Variants in PCDHGB1 observed in about 807,000 individuals in gnomAD.
PCDHGB1 encodes protocadherin gamma-B1.
A neutral mutation model predicts 56.6 loss-of-function variants in PCDHGB1; 34 were observed. The ratio of observed to expected loss-of-function variants is 0.60; its 90% CI spans 0.46 to 0.80. The LOEUF (loss-of-function observed/expected upper bound fraction) is 0.80, where lower values mean the gene tolerates loss of function less well. Ranked by LOEUF, PCDHGB1 falls within the 30% of genes least tolerant of loss-of-function variation. The pLI, the probability that PCDHGB1 is intolerant of heterozygous loss-of-function variation, is 0.00. For missense variants in PCDHGB1, 1,278 were observed against 1,204.6 expected (o/e 1.06, Z -0.90); for synonymous variants, 561 against 505.9 (o/e 1.11, Z -1.46).
rs9324852 is a variant in PCDHGB1, at chr5:141,510,333, C to T, written c.2558-614C>T. On this transcript the variant is annotated intron_variant, in intron 3 of 3. Coordinates refer to ENST00000523390, the MANE Select transcript of PCDHGB1 (RefSeq NM_018922.3). ...AGGCTTGGAAGAGCACTCTTCACCC[C>T]CACCCCACACACTTACTAACGGAAC... Among the ~76,000 whole-genome samples the T allele has an allele frequency of 2.4e-3, 367 of 151,698 alleles. 1 individual carries two copies. Among genetic ancestry groups the T allele is most frequent in the African/African-American group, 8.4e-3 (348 of 41,384 alleles).
At chr5:141,478,500 T>C (rs754881921) in intron 1 of PCDHGB1, 16 of 1,612,740 alleles carry the variant, frequency 9.9e-6, no homozygotes, top group Non-Finnish European at 1.4e-5. Context: ...TGTGATCCGG[T>C]GTTCTATAGG....
chr5:141,414,868 G>A (rs1346192710), intron 1 of PCDHGB1: 1 of 1,614,098 alleles, frequency 6.2e-7, no homozygotes, highest in African/African-American at 1.3e-5. Flanking sequence ...CAATGCGCCC[G>A]AGATCCTGTA....
chr5:141,455,632 TG>T (rs1394377963), intron 1 of PCDHGB1, among the ~76,000 whole-genome samples: 1 of 151,924 alleles, frequency 6.6e-6, no homozygotes, highest in African/African-American at 2.4e-5. Flanking sequence ...TGGAGATATG[TG>T]GGGGGCAGCC....
chr5:141,400,502 A>C, intron 1 of PCDHGB1: 1 of 1,614,020 alleles, frequency 6.2e-7, no homozygotes, highest in Non-Finnish European at 8.5e-7. Flanking sequence ...AATTCCAGCG[A>C]GTCGACTTCC....
rs2097423534 is a variant in PCDHGB1 at position 141,431,850 on chromosome 5, C to A, written c.2410-62957C>A. 6.2e-7 allele frequency: 1 copy of A among 1,614,234 alleles called. No individual in the cohort carries two copies. ...GTTCCCGAAAACTCTCCCAGAGGGA[C>A]ATTAATTGCCCTTTTAAATGTAAAT... On this transcript the variant is annotated intron_variant, in intron 1 of 3. Coordinates refer to ENST00000523390, the MANE Select transcript of PCDHGB1 (RefSeq NM_018922.3). This position sits in a 1 kb window ranked among gnomAD's most constrained non-coding sequence, Gnocchi z 4.8.
intron 1 of PCDHGB1, chr5:141,385,358 T>G: frequency 6.5e-7 from 1 of 1,546,418 alleles, no homozygotes; most frequent in South Asian, 1.3e-5. Context: ...CCATGAGGAA[T>G]TTATTTGCAT....
At chr5:141,457,230 A>G (rs1248092452) in intron 1 of PCDHGB1, among the ~76,000 whole-genome samples, 2 of 152,174 alleles carry the variant, frequency 1.3e-5, no homozygotes, top group African/African-American at 4.8e-5. Flanking sequence ...GGTAATTTCC[A>G]TCTAAAATTT....
At chr5:141,408,651 C>G (rs373860648) in intron 1 of PCDHGB1, 3 of 1,614,012 alleles carry the variant, frequency 1.9e-6, no homozygotes, top group South Asian at 1.1e-5. Context: ...TCCGCTGGTA[C>G]ACGACTATCG....
At chr5:141,408,458 G>A (rs760881860) in intron 1 of PCDHGB1, 1 of 1,614,066 alleles carries the variant, frequency 6.2e-7, no homozygotes, top group Admixed American at 1.7e-5. Context: ...GGACTTACTT[G>A]TGAAGAACCG....
intron 1 of PCDHGB1, among the ~76,000 whole-genome samples, chr5:141,488,350 C>G (rs1191478919): frequency 6.6e-6 from 1 of 152,176 alleles, no homozygotes; most frequent in Non-Finnish European, 1.5e-5. Context: ...GAAACAGCCA[C>G]CCTGTGCATC....
chr5:141,394,085 C>T, intron 1 of PCDHGB1: 3 of 1,613,886 alleles, frequency 1.9e-6, no homozygotes, highest in Non-Finnish European at 2.5e-6. Flanking sequence ...CAGTGATGGC[C>T]TCAGATCTAG....
Position 141,428,338 on chromosome 5 carries a change from T to C in PCDHGB1, c.2410-66469T>C, listed in dbSNP as rs575215422. 427 of 592,394 alleles carry C rather than the reference T, an allele frequency of 7.2e-4. 1 individual carries two copies. The highest frequency in any genetic ancestry group is 1.3e-3 in the Non-Finnish European group (409 of 326,444). 36.7% of individuals were successfully genotyped at this position (592,394 alleles called of 1,614,324 possible). ...CTTGGCCTTGATTTCTATGCTCTTC[T>C]TCCTCGCAGTGATTTTGGCGGTCGC... On this transcript the variant is annotated intron_variant, in intron 1 of 3. Coordinates refer to ENST00000523390, the MANE Select transcript of PCDHGB1 (RefSeq NM_018922.3).
At chr5:141,422,399 T>C in intron 1 of PCDHGB1, 3 of 1,598,374 alleles carry the variant, frequency 1.9e-6, no homozygotes, top group Non-Finnish European at 2.6e-6. Context: ...CCTAACCACC[T>C]GCCTTTTAAA....
intron 1 of PCDHGB1, among the ~76,000 whole-genome samples, chr5:141,439,380 G>C (rs1324859898): frequency 6.6e-6 from 1 of 152,158 alleles, no homozygotes; most frequent in East Asian, 1.9e-4. Flanking sequence ...ATAAAAATAA[G>C]TCATCACTTC....
At chr5:141,500,672 C>A (rs2099801937) in intron 2 of PCDHGB1, among the ~76,000 whole-genome samples, 1 of 152,156 alleles carries the variant, frequency 6.6e-6, no homozygotes, top group South Asian at 2.1e-4. Context: ...TACTGTCCAA[C>A]AGAATTATAG....
intron 1 of PCDHGB1, among the ~76,000 whole-genome samples, chr5:141,430,247 G>T (rs1003479541): frequency 9.7e-6 from 1 of 102,928 alleles, no homozygotes; most frequent in Non-Finnish European, 1.8e-5. Flanking sequence ...AACTCCTAGG[G>T]AGACATCTCC....
At chr5:141,405,505 C>A in intron 1 of PCDHGB1, 2 of 751,126 alleles carry the variant, frequency 2.7e-6, no homozygotes, top group Non-Finnish European at 4.2e-6. Context: ...TTGCAACCTC[C>A]GCCTCCCAAA....
intron 1 of PCDHGB1, chr5:141,374,236 T>G: frequency 6.2e-7 from 1 of 1,613,974 alleles, no homozygotes; most frequent in African/African-American, 1.3e-5. Flanking sequence ...TCGTCAAGGA[T>G]CTGGGACTGG....
In PCDHGB1 at chr5:141,486,128, G is replaced by C. The variant is rs1447222839; in HGVS notation, c.2410-8679G>C. ...TGAGAGTGAGAATTACTATGAATTT[G>C]ATGTGCGGGCTCGCGATGGGGGTTC... is the stretch of plus-strand genomic sequence containing the variant. On this transcript the variant is annotated intron_variant, in intron 1 of 3. Transcript: ENST00000523390. This position sits in a 1 kb window ranked among gnomAD's most constrained non-coding sequence, Gnocchi z 5.0. 6.2e-7 allele frequency: 1 copy of C among 1,614,066 alleles called. No homozygotes were observed. Among genetic ancestry groups the C allele is most frequent in the Non-Finnish European group, 8.5e-7 (1 of 1,180,034 alleles).
Sources: gnomAD v4.1 joint callset for allele counts (sites outside exome capture counted in the v4.1 genomes callset) on GRCh38, gnomAD v4.1.1 for gene constraint, Gnocchi (gnomAD v3.1) non-coding constraint, MANE v1.5 for transcripts, NCBI Gene and HGNC (gene_info 2026-07-23, HGNC 2026-07-21) for gene names.